Variants in GPM6B observed in about 807,000 individuals in gnomAD.
GPM6B encodes glycoprotein M6B.
Under a neutral mutation model 27.2 loss-of-function variants are expected in GPM6B, and 4 were observed. The observed-to-expected ratio is 0.15, with a 90% CI of 0.07 to 0.34. The LOEUF is 0.34. GPM6B is among the 10% of genes least tolerant of loss of function. The pLI is 1.00. For missense variants in GPM6B, 183 were observed against 261.9 expected (o/e 0.70, Z 2.08); for synonymous variants, 124 against 103.1 (o/e 1.20, Z -1.23).
intron 5 of GPM6B, among the ~76,000 whole-genome samples, chrX:13,778,264 G>A (rs1490025252): frequency 9.2e-6 from 1 of 108,672 alleles, no homozygotes; most frequent in African/African-American, 3.5e-5. Flanking sequence ...AGCCAGGCTG[G>A]TCTTTGAACT....
At chrX:13,938,321 G>A in intron 1 of GPM6B, 1 of 274,665 alleles carries the variant, frequency 3.6e-6, no homozygotes, top group East Asian at 5.2e-5. Context: ...CAACAGGGAA[G>A]CGCACCTGGG....
chrX:13,787,201 A>G (rs897199607), intron 2 of GPM6B, among the ~76,000 whole-genome samples: 8 of 111,432 alleles, frequency 7.2e-5, no homozygotes, highest in African/African-American at 2.6e-4. Context: ...TGACTATGAA[A>G]ACTCATTACT....
chrX:13,807,806 T>TC lies in GPM6B; in HGVS notation c.62-38dup. On this transcript the variant is annotated intron_variant, in intron 1 of 7. Transcript: ENST00000316715. ...AGGTGGCAAAGAGTCAGTGTCTCTATCTCCAGCAAAGATTCTATATCAGCA... is the reference window on the plus strand; with the variant it reads ...AGGTGGCAAAGAGTCAGTGTCTCTATCCTCCAGCAAAGATTCTATATCAGCA... 2.6e-6 allele frequency: 3 copies of TC among 1,140,422 alleles called. No individual in the cohort carries two copies. The Admixed American group carries it at 7.2e-5, about 27-fold the overall frequency. 94.0% of individuals were successfully genotyped at this position (1,140,422 alleles called of 1,213,427 possible). A position where few individuals can be genotyped will look rare whatever the true frequency, so the allele number is the denominator to read the frequency against.
chrX:13,817,666 T>C (rs2049261724), upstream of GPM6B, among the ~76,000 whole-genome samples: 1 of 112,532 alleles, frequency 8.9e-6, no homozygotes, highest in South Asian at 3.7e-4. Context: ...GATAAGTACA[T>C]TGCTTTTTAA....
intron 2 of GPM6B, among the ~76,000 whole-genome samples, chrX:13,794,200 T>C (rs6633344): frequency 0.32 from 33,902 of 106,776 alleles, 4,304 homozygotes; most frequent in East Asian, 0.6. Flanking sequence ...TTTTTTTTTT[T>C]CCCAGATACA....
intron 1 of GPM6B, among the ~76,000 whole-genome samples, chrX:13,836,462 C>T (rs998998620): frequency 2.7e-5 from 3 of 112,349 alleles, no homozygotes; most frequent in Non-Finnish European, 3.8e-5. Flanking sequence ...CAATGAAGTT[C>T]TGTGGATATA....
rs1335974433 is a variant in GPM6B at position 13,771,438 on chromosome X, G to C, written c.*1443C>G. The C allele has an allele frequency of 9.3e-6, 1 of 108,094 alleles. No individual in the cohort carries two copies. Among genetic ancestry groups the C allele is most frequent in the Non-Finnish European group, 1.9e-5 (1 of 51,963 alleles). The allele number at this position is 108,094 out of a possible 1,213,427, so 8.9% of individuals were successfully genotyped here. A position where few individuals can be genotyped will look rare whatever the true frequency, so the allele number is the denominator to read the frequency against. On this transcript the variant is annotated 3_prime_UTR_variant, in exon 8 of 8. Transcript: ENST00000316715. ...GCATTTTTAGGCATTAACCAAAAAA[G>C]AGAATCCAAATGAAATATTATACTT... is the stretch of plus-strand genomic sequence containing the variant.
chrX:13,833,478 G>C (rs1286083181), intron 1 of GPM6B, among the ~76,000 whole-genome samples: 1 of 106,638 alleles, frequency 9.4e-6, no homozygotes, highest in Non-Finnish European at 1.9e-5. Flanking sequence ...ACTTTGGGAG[G>C]CTGAGGTGGG....
At chrX:13,917,340 A>G (rs1462497051) in intron 1 of GPM6B, among the ~76,000 whole-genome samples, 2 of 112,878 alleles carry the variant, frequency 1.8e-5, no homozygotes, top group Non-Finnish European at 3.7e-5. Context: ...CCCTAGAGCA[A>G]TAACCTTCTG....
chrX:13,777,011 CTTTCAAAGTAGAA>C (rs942705133), intron 6 of GPM6B, among the ~76,000 whole-genome samples: 1 of 94,359 alleles, frequency 1.1e-5, no homozygotes, highest in African/African-American at 4.2e-5. Flanking sequence ...CTTTGAAAAT[CTTTCAAAGTAGAA>C]AGAGTAGAAG....
chrX:13,824,745 G>A (rs1201837822), intron 1 of GPM6B, among the ~76,000 whole-genome samples: 1 of 111,902 alleles, frequency 8.9e-6, no homozygotes, highest in Non-Finnish European at 1.9e-5. Flanking sequence ...ATCCCTAAAA[G>A]GATAGTGAGT....
chrX:13,870,902 T>G (rs1360475169), intron 1 of GPM6B, among the ~76,000 whole-genome samples: 1 of 92,166 alleles, frequency 1.1e-5, no homozygotes, highest in Non-Finnish European at 2.1e-5. Flanking sequence ...AGACCCTGTC[T>G]CTACAAAAAA....
At chrX:13,774,272 T>TTAAG (rs1241365441) in intron 7 of GPM6B, 1 of 859,910 alleles carries the variant, frequency 1.2e-6, no homozygotes, top group South Asian at 5.1e-5. Context: ...TCTCTAATGT[T>TTAAG]TAAGTATGAG....
chrX:13,849,370 C>T (rs1290572998), intron 1 of GPM6B, among the ~76,000 whole-genome samples: 1 of 112,553 alleles, frequency 8.9e-6, no homozygotes, highest in African/African-American at 3.2e-5. Flanking sequence ...AACACCCTGT[C>T]CCATCCATTT....
intron 1 of GPM6B, among the ~76,000 whole-genome samples, chrX:13,885,992 C>T (rs898933522): frequency 8.9e-6 from 1 of 112,283 alleles, no homozygotes; most frequent in Non-Finnish European, 1.9e-5. Flanking sequence ...ACACAAAGAA[C>T]GAATGCCTAA....
intron 1 of GPM6B, among the ~76,000 whole-genome samples, chrX:13,913,662 C>T (rs765734581): frequency 2.7e-5 from 3 of 112,168 alleles, no homozygotes; most frequent in Non-Finnish European, 5.6e-5. Context: ...CTGTCTTGTT[C>T]GGTCTTAATT....
At chrX:13,791,934 C>CA (rs774951414) in intron 2 of GPM6B, among the ~76,000 whole-genome samples, 49 of 110,905 alleles carry the variant, frequency 4.4e-4, no homozygotes, top group Admixed American at 1.1e-3. Context: ...AAACACCACA[C>CA]AAAAAAACCA....
intron 5 of GPM6B, among the ~76,000 whole-genome samples, chrX:13,778,170 T>C (rs1270307211): frequency 3.7e-5 from 4 of 108,446 alleles, no homozygotes; most frequent in African/African-American, 1.0e-4. Flanking sequence ...TGCCTCAGCC[T>C]CCCAACTAGC....
chrX:13,814,368 A>T (rs766428653), intron 1 of GPM6B, among the ~76,000 whole-genome samples: 14 of 112,153 alleles, frequency 1.2e-4, no homozygotes, highest in Non-Finnish European at 2.4e-4. Context: ...AAAAAAATAT[A>T]TATGTGCATA....
Sources: allele counts gnomAD v4.1 joint callset (sites outside exome capture counted in the v4.1 genomes callset), GRCh38; gene constraint gnomAD v4.1.1; transcripts MANE v1.5; gene names NCBI Gene and HGNC (gene_info 2026-07-23, HGNC 2026-07-21).